Variants in SDK1 observed in about 807,000 individuals in gnomAD.
The protein encoded by SDK1 is sidekick cell adhesion molecule 1.
Under a neutral mutation model 245.5 loss-of-function variants are expected in SDK1, and 157 were observed. The observed-to-expected ratio is 0.64, with a 90% CI of 0.56 to 0.73. The LOEUF (loss-of-function observed/expected upper bound fraction) is 0.73, where lower values mean the gene tolerates loss of function less well. Among genes scored for constraint, SDK1 ranks in the 30% least tolerant of loss-of-function variants. The probability of loss-of-function intolerance (pLI) is 0.00; values close to 1 mark genes in which losing one functional copy is unlikely to be tolerated. For missense variants in SDK1, 3,583 were observed against 3,002.3 expected (o/e 1.19, Z -4.52); for synonymous variants, 1,647 against 1,278.5 (o/e 1.29, Z -6.15).
At chr7:3,472,493 G>C (rs868495032) in intron 1 of SDK1, among the ~76,000 whole-genome samples, 1 of 152,112 alleles carries the variant, frequency 6.6e-6, no homozygotes, top group Non-Finnish European at 1.5e-5. Context: ...AATGTGTTAA[G>C]ATATGTTTTA....
intron 1 of SDK1, among the ~76,000 whole-genome samples, chr7:3,467,170 C>A (rs532876482): frequency 7.2e-5 from 11 of 151,990 alleles, no homozygotes; most frequent in Non-Finnish European, 1.5e-5. Flanking sequence ...TTTTTATGAT[C>A]AATAAAAATA....
intron 1 of SDK1, among the ~76,000 whole-genome samples, chr7:3,483,757 A>G (rs1781590710): frequency 6.6e-6 from 1 of 152,138 alleles, no homozygotes; most frequent in African/African-American, 2.4e-5. Context: ...GATGATATTT[A>G]TTTCAGTCTC....
At chr7:3,488,315 T>C (rs1781765336) in intron 1 of SDK1, among the ~76,000 whole-genome samples, 1 of 152,234 alleles carries the variant, frequency 6.6e-6, no homozygotes, top group South Asian at 2.1e-4. Flanking sequence ...ACTTCTTTTT[T>C]TGATATGCAG....
rs191865415 is a variant in SDK1 at position 3,717,873 on chromosome 7, T to C, written c.713+75768T>C. The stretch of plus-strand genomic sequence containing the variant: ...TAAATCAGTTTTACAGGGTTTTGTT[T>C]ATTAAATTAAGAGTAGGAAACACTT... On this transcript the variant is annotated intron_variant, in intron 4 of 44. Transcript: ENST00000404826. Among the ~76,000 whole-genome samples, 7 of 152,258 alleles carry C rather than the reference T, an allele frequency of 4.6e-5. No homozygotes were observed. The Middle Eastern group carries it at 0.017, about 370-fold the overall frequency.
At chr7:4,114,867 C>T (rs1274503240) in intron 25 of SDK1, among the ~76,000 whole-genome samples, 1 of 152,190 alleles carries the variant, frequency 6.6e-6, no homozygotes, top group Non-Finnish European at 1.5e-5. Flanking sequence ...AAGAATGGAC[C>T]TCTTCAGACC....
intron 1 of SDK1, among the ~76,000 whole-genome samples, chr7:3,481,829 C>T (rs528211207): frequency 6.6e-6 from 1 of 152,150 alleles, no homozygotes; most frequent in Admixed American, 6.5e-5. Context: ...TTGTGAAATT[C>T]CCTTTATTAA....
intron 1 of SDK1, among the ~76,000 whole-genome samples, chr7:3,486,462 T>C (rs1411855782): frequency 3.9e-5 from 6 of 152,128 alleles, no homozygotes; most frequent in African/African-American, 7.2e-5. Context: ...GGTTTTGTTT[T>C]TACCCCCCTA....
intron 25 of SDK1, among the ~76,000 whole-genome samples, chr7:4,114,850 G>T (rs1006950310): frequency 1.3e-5 from 2 of 152,200 alleles, no homozygotes; most frequent in African/African-American, 2.4e-5. Flanking sequence ...GCAGGGAAAA[G>T]AAGGCAAAGA....
Position 3,894,581 on chromosome 7 carries a change from G to A in SDK1, c.848-56342G>A, listed in dbSNP as rs1047136102. Among the ~76,000 whole-genome samples the A allele has an allele frequency of 8.5e-5, 13 of 152,162 alleles. No individual in the cohort carries two copies. The East Asian group carries it at 1.9e-3, about 23-fold the overall frequency. ...CAGCCCAGAGATGCTCCGGGGTCTC[G>A]CCCAGTGCATATTCCTGGAGAGCTA... is the stretch of plus-strand genomic sequence containing the variant. On this transcript the variant is annotated intron_variant, in intron 5 of 44. Transcript: ENST00000404826.
chr7:3,908,604 A>C lies in SDK1; in HGVS notation c.848-42319A>C, dbSNP rs371567821. Among the ~76,000 whole-genome samples, 525 of 152,158 alleles carry C rather than the reference A, an allele frequency of 3.5e-3. 6 individuals carry two copies. The highest frequency in any genetic ancestry group is 0.034 in the South Asian group (166 of 4,820). ...ATTCATCTCTTCCTTCCTTCCTTTA[A>C]ATATTCCGCAAGTACTCATCTCAAC... On this transcript the variant is annotated intron_variant, in intron 5 of 44. Transcript: ENST00000404826.
Position 4,267,772 on chromosome 7 carries a change from A to T in SDK1, c.*2388A>T. 4.1e-6 allele frequency: 4 copies of T among 985,258 alleles called. No individual in the cohort carries two copies. Among genetic ancestry groups the T allele is most frequent in the Non-Finnish European group, 4.8e-6 (4 of 829,948 alleles). The allele number at this position is 985,258 out of a possible 1,614,324, so 61.0% of individuals were successfully genotyped here. On this transcript the variant is annotated 3_prime_UTR_variant, in exon 45 of 45. Transcript: ENST00000404826. The stretch of plus-strand genomic sequence containing the variant: ...AGCTCATGTTTTCCGTCTCCCCTCC[A>T]CTCTTAGTAAACCTTGATCTGTACG...
intron 22 of SDK1, among the ~76,000 whole-genome samples, chr7:4,110,048 G>A (rs1055149495): frequency 2.6e-5 from 4 of 152,054 alleles, no homozygotes; most frequent in Non-Finnish European, 5.9e-5. Flanking sequence ...CTCTTCCCTC[G>A]TCAACACTGC....
chr7:3,833,176 A>G (rs1434176156), intron 5 of SDK1, among the ~76,000 whole-genome samples: 1 of 152,134 alleles, frequency 6.6e-6, no homozygotes, highest in Non-Finnish European at 1.5e-5. Flanking sequence ...TCTTAAAAGA[A>G]TGAAGGCTTT....
intron 1 of SDK1, among the ~76,000 whole-genome samples, chr7:3,486,504 T>A (rs1429427098): frequency 6.6e-6 from 1 of 152,172 alleles, no homozygotes; most frequent in Non-Finnish European, 1.5e-5. Context: ...GTTTACTTAT[T>A]TTCAATCTCT....
intron 4 of SDK1, among the ~76,000 whole-genome samples, chr7:3,821,099 G>T (rs1361079592): frequency 6.6e-6 from 1 of 152,116 alleles, no homozygotes; most frequent in Non-Finnish European, 1.5e-5. Context: ...CTAATTGAAG[G>T]GATTCCTTCT....
intron 1 of SDK1, among the ~76,000 whole-genome samples, chr7:3,520,876 T>A (rs566047849): frequency 5.4e-4 from 82 of 152,182 alleles, no homozygotes; most frequent in Non-Finnish European, 8.7e-4. Context: ...CATAATAAAT[T>A]ACCACAAATT....
chr7:3,609,482 T>A (rs781592437), intron 1 of SDK1, among the ~76,000 whole-genome samples: 1 of 151,982 alleles, frequency 6.6e-6, no homozygotes, highest in Non-Finnish European at 1.5e-5. Context: ...CTCACTGCAA[T>A]CTCTGCTTCC....
chr7:4,156,492 T>C (rs1780747592), intron 30 of SDK1, among the ~76,000 whole-genome samples: 3 of 152,192 alleles, frequency 2.0e-5, no homozygotes, highest in African/African-American at 7.2e-5. Flanking sequence ...GGGTCTGAGA[T>C]GTGCCTGCGG....
chr7:4,005,702 T>G (rs775710597), intron 14 of SDK1, among the ~76,000 whole-genome samples: 31 of 152,096 alleles, frequency 2.0e-4, no homozygotes, highest in Non-Finnish European at 3.8e-4. Context: ...AGAAATATTA[T>G]GTATTAATAA....
Sources: allele counts gnomAD v4.1 joint callset (sites outside exome capture counted in the v4.1 genomes callset), GRCh38; gene constraint gnomAD v4.1.1; transcripts MANE v1.5; gene names NCBI Gene and HGNC (gene_info 2026-07-23, HGNC 2026-07-21).